DISC1: variants seen among roughly 807,000 people sequenced by gnomAD.
The protein encoded by DISC1 is disrupted in schizophrenia 1 protein.
Under a neutral mutation model 84.5 loss-of-function variants are expected in DISC1, and 57 were observed. The ratio of observed to expected loss-of-function variants is 0.67; its 90% CI spans 0.55 to 0.84. DISC1 has a LOEUF of 0.84. DISC1 is among the 40% of genes least tolerant of loss of function. The pLI is 0.00. For missense variants in DISC1, 1,000 were observed against 1,057.8 expected, an observed-to-expected ratio of 0.95 and a Z score of 0.76; for synonymous variants, 411 against 415.2, an observed-to-expected ratio of 0.99 and a Z score of 0.12.
At chr1:231,997,769 T>C (rs1398981073) in intron 10 of DISC1, among the ~76,000 whole-genome samples, 3 of 152,076 alleles carry the variant, frequency 2.0e-5, no homozygotes, top group Non-Finnish European at 4.4e-5. Flanking sequence ...CCCTGCACCC[T>C]CCTACCACCT....
At chr1:231,786,324 G>A (rs893178045) in intron 6 of DISC1, among the ~76,000 whole-genome samples, 2 of 152,208 alleles carry the variant, frequency 1.3e-5, no homozygotes, top group African/African-American at 4.8e-5. Context: ...AAAGTGACTT[G>A]TTCAAAGTCT....
intron 9 of DISC1, among the ~76,000 whole-genome samples, chr1:231,933,055 G>GATGACA (rs1281141631): frequency 6.6e-6 from 1 of 152,170 alleles, no homozygotes; most frequent in Non-Finnish European, 1.5e-5. Flanking sequence ...GGATAAAAAT[G>GATGACA]ATGACAATGA....
intron 12 of DISC1, among the ~76,000 whole-genome samples, chr1:232,028,837 A>G (rs768798611): frequency 2.0e-5 from 3 of 152,234 alleles, no homozygotes; most frequent in Admixed American, 6.5e-5. Flanking sequence ...GGAATCAATC[A>G]GTAACTCCAC....
intron 7 of DISC1, among the ~76,000 whole-genome samples, chr1:231,796,376 C>T (rs1289361144): frequency 3.9e-5 from 5 of 127,450 alleles, no homozygotes; most frequent in African/African-American, 1.0e-4. Context: ...GCTTGCTGAG[C>T]AGAGAGCAAC....
chr1:231,830,990 A>G (rs2082180783), intron 9 of DISC1, among the ~76,000 whole-genome samples: 1 of 152,218 alleles, frequency 6.6e-6, no homozygotes, highest in South Asian at 2.1e-4. Context: ...ATCAGACTGT[A>G]TTGAGGTGGG....
intron 1 of DISC1, among the ~76,000 whole-genome samples, chr1:231,627,262 G>A (rs2058338163): frequency 6.6e-6 from 1 of 152,182 alleles, no homozygotes; most frequent in Non-Finnish European, 1.5e-5. Flanking sequence ...TTGCAGAGGC[G>A]TGCTTGGGGT....
chr1:231,886,529 G>A (rs559032683), intron 9 of DISC1, among the ~76,000 whole-genome samples: 28 of 152,170 alleles, frequency 1.8e-4, no homozygotes, highest in Admixed American at 9.2e-4. Context: ...AATTGAATCC[G>A]TCCAGTTTGC....
chr1:231,842,458 G>T (rs1389148740), intron 9 of DISC1, among the ~76,000 whole-genome samples: 1 of 152,172 alleles, frequency 6.6e-6, no homozygotes, highest in Non-Finnish European at 1.5e-5. Context: ...GTATTTCAAA[G>T]TATTATTTAT....
intron 9 of DISC1, among the ~76,000 whole-genome samples, chr1:231,824,099 A>G (rs2081687996): frequency 6.6e-6 from 1 of 152,142 alleles, no homozygotes; most frequent in South Asian, 2.1e-4. Flanking sequence ...CTGTACACTC[A>G]CCAAATGTCA....
intron 9 of DISC1, among the ~76,000 whole-genome samples, chr1:231,933,665 T>G (rs1467311550): frequency 1.3e-5 from 2 of 152,204 alleles, no homozygotes; most frequent in Non-Finnish European, 2.9e-5. Context: ...TTGGTGAATT[T>G]CCAGAAAAAA....
chr1:231,680,206 T>C (rs2125542954), intron 1 of DISC1, among the ~76,000 whole-genome samples: 1 of 152,228 alleles, frequency 6.6e-6, no homozygotes, highest in East Asian at 1.9e-4. Flanking sequence ...CCAGCCTGGG[T>C]GACAGAGTGA....
chr1:231,701,762 T>A (rs541616107), intron 2 of DISC1, among the ~76,000 whole-genome samples, 193 bp from the exon 3 acceptor site: 2 of 152,318 alleles, frequency 1.3e-5, no homozygotes, highest in Non-Finnish European at 1.5e-5. Context: ...AATTACACTT[T>A]TTCTTTACAT....
intron 1 of DISC1, among the ~76,000 whole-genome samples, chr1:231,641,504 A>G (rs1417739469): frequency 1.3e-5 from 2 of 152,074 alleles, no homozygotes; most frequent in Non-Finnish European, 1.5e-5. Context: ...GGCAGTGTGG[A>G]CCCAAAGAGT....
At chr1:231,773,122 G>A (rs2076682343) in intron 6 of DISC1, among the ~76,000 whole-genome samples, 1 of 152,152 alleles carries the variant, frequency 6.6e-6, no homozygotes, top group Non-Finnish European at 1.5e-5. Context: ...GTACAACTAT[G>A]GCTGTCTTTG....
chr1:231,764,988 G>A (rs911238715), intron 4 of DISC1, among the ~76,000 whole-genome samples: 2 of 151,908 alleles, frequency 1.3e-5, no homozygotes, highest in Non-Finnish European at 2.9e-5. Flanking sequence ...TCAGGAGATC[G>A]AGACCATCCT....
chr1:232,027,431 C>T (rs6660821), intron 12 of DISC1, among the ~76,000 whole-genome samples: 3,526 of 152,300 alleles, frequency 0.023, 142 homozygotes, highest in African/African-American at 0.081. Context: ...CCTACAAACA[C>T]CTTCATCAAA....
chr1:231,650,847 G>A (rs1313784353), intron 1 of DISC1, among the ~76,000 whole-genome samples: 1 of 151,976 alleles, frequency 6.6e-6, no homozygotes, highest in Non-Finnish European at 1.5e-5. Flanking sequence ...CTTCCACTTG[G>A]TCAAATCAGC....
At chr1:232,030,472 TAG>T (rs1669895693) in intron 12 of DISC1, among the ~76,000 whole-genome samples, 2 of 152,182 alleles carry the variant, frequency 1.3e-5, no homozygotes, top group South Asian at 4.1e-4. Context: ...ATAGACGAGG[TAG>T]AGACACTCTG....
chr1:231,721,854 C>A (rs1198447582), intron 3 of DISC1, among the ~76,000 whole-genome samples: 1 of 152,094 alleles, frequency 6.6e-6, no homozygotes, highest in Non-Finnish European at 1.5e-5. Flanking sequence ...AACAAAAATT[C>A]TTGAAAAGCA....
Sources: gnomAD v4.1 joint callset for allele counts (sites outside exome capture counted in the v4.1 genomes callset) on GRCh38, gnomAD v4.1.1 for gene constraint, MANE v1.5 for transcripts, NCBI Gene and HGNC (gene_info 2026-07-23, HGNC 2026-07-21) for gene names.